The following TTC19 variants were observed in gnomAD, a reference collection of about 807,000 sequenced individuals.
TTC19 encodes the protein tetratricopeptide repeat protein 19, mitochondrial.
A neutral mutation model predicts 49.5 loss-of-function variants in TTC19; 38 were observed. That is an observed-to-expected ratio of 0.77 (90% CI 0.59 to 1.01). TTC19 has a LOEUF of 1.01. Among genes scored for constraint, TTC19 ranks in the 50% least tolerant of loss-of-function variants. The pLI is 0.00. For missense variants in TTC19, 475 were observed against 477.7 expected (o/e 0.99, Z 0.05); for synonymous variants, 204 against 185.2 (o/e 1.10, Z -0.83).
chr17:16,002,167 GTTTCAT>G, intron 3 of TTC19, 142 bp downstream of exon 3: 1 of 716,206 alleles, frequency 1.4e-6, no homozygotes, highest in Non-Finnish European at 2.4e-6. Flanking sequence ...TTTGGCTTCA[GTTTCAT>G]TTTTTGTTTT....
chr17:16,027,316 A>G, intron 9 of TTC19, 58 bp from the exon 10 acceptor site: 13 of 1,599,428 alleles, frequency 8.1e-6, no homozygotes, highest in Non-Finnish European at 1.1e-5. Flanking sequence ...CTCTCTTCAG[A>G]ATCACCTTGA....
At position 16,027,613 on chromosome 17, in the gene TTC19, C is replaced by A. The variant is rs753495260; in HGVS notation, c.*91C>A. The A allele has an allele frequency of 6.7e-7, 1 of 1,490,268 alleles. No individual in the cohort carries two copies. Among genetic ancestry groups the A allele is most frequent in the African/African-American group, 1.4e-5 (1 of 72,118 alleles). The allele number at this position is 1,490,268 out of a possible 1,614,324, so 92.3% of individuals were successfully genotyped here. A position where few individuals can be genotyped will look rare whatever the true frequency, so the allele number is the denominator to read the frequency against. ...GTGGCACCCGATCAATGGCTTAAAT[C>A]TGTCGTTTTTGATATTCAGGTTTCC... On this transcript the variant is annotated 3_prime_UTR_variant, in exon 10 of 10. Transcript: ENST00000261647.
At chr17:16,003,357 C>G (rs1016628708) in intron 4 of TTC19, among the ~76,000 whole-genome samples, 7 of 152,150 alleles carry the variant, frequency 4.6e-5, no homozygotes, top group African/African-American at 1.7e-4. Flanking sequence ...CTCAGTTGAT[C>G]CTCTCACCTC....
intron 8 of TTC19, 46 bp from the exon 9 acceptor site, chr17:16,026,494 G>T: frequency 6.3e-7 from 1 of 1,590,288 alleles, no homozygotes; most frequent in South Asian, 1.1e-5. Flanking sequence ...AAAGTTCTGT[G>T]AAGGCATGTT....
chr17:16,035,250 T>G (rs1033713053), intron 2 of TTC19, among the ~76,000 whole-genome samples: 2 of 152,240 alleles, frequency 1.3e-5, no homozygotes, highest in African/African-American at 4.8e-5. Context: ...AAAGACTTAT[T>G]TGTAGCATGC....
rs1971658384 is a variant in TTC19, at chr17:16,028,394, T to G, written c.*872T>G. On this transcript the variant is annotated 3_prime_UTR_variant, in exon 10 of 10. Transcript: ENST00000261647. The stretch of plus-strand genomic sequence containing the variant: ...TGTACTGCTGGTATAGCTGAACTAC[T>G]GACCTGGATCTTAGTCCTAGCCTTT... 2.2e-6 allele frequency: 1 copy of G among 454,040 alleles called. No individual in the cohort carries two copies. The highest frequency in any genetic ancestry group is 2.0e-5 in the African/African-American group (1 of 50,018). The allele number at this position is 454,040 out of a possible 1,614,324, so 28.1% of individuals were successfully genotyped here.
Position 15,999,858 on chromosome 17 carries a change from C to G in TTC19, c.10C>G (p.Leu4Val). 1 of 1,510,818 alleles carries G rather than the reference C, an allele frequency of 6.6e-7. No homozygotes were observed. The highest frequency in any genetic ancestry group is 2.6e-5 in the East Asian group (1 of 38,948). 93.6% of individuals were successfully genotyped at this position (1,510,818 alleles called of 1,614,324 possible). A position where few individuals can be genotyped will look rare whatever the true frequency, so the allele number is the denominator to read the frequency against. Residue 4 changes from leucine to valine, a missense_variant, in exon 1 of 10, where the codon CTC becomes GTC. Transcript: ENST00000261647. MFRLLSWSLGRGFL... is the reference protein window; with the variant it reads MFRVLSWSLGRGFL... Reference sequence around the variant, plus strand: ...AGGACGCGGCGGGAGCATGTTCCGGCTCCTGAGCTGGAGCCTGGGCCGAGG... The same window carrying G: ...AGGACGCGGCGGGAGCATGTTCCGGGTCCTGAGCTGGAGCCTGGGCCGAGG...
intron 2 of TTC19, chr17:16,039,133 A>G (rs976577745): frequency 7.4e-6 from 2 of 268,840 alleles, no homozygotes; most frequent in South Asian, 6.7e-5. Flanking sequence ...CAAAAACATT[A>G]TATTTGTGTT....
At chr17:16,009,656 T>C (rs1046657872) in intron 7 of TTC19, among the ~76,000 whole-genome samples, 2 of 152,202 alleles carry the variant, frequency 1.3e-5, no homozygotes, top group African/African-American at 4.8e-5. Flanking sequence ...ACCTATTCAG[T>C]TTTGCACAAA....
intron 8 of TTC19, among the ~76,000 whole-genome samples, chr17:16,025,759 T>C (rs1167344224): frequency 1.3e-5 from 2 of 152,222 alleles, no homozygotes; most frequent in Non-Finnish European, 2.9e-5. Context: ...TGTCTATGAA[T>C]GCTTGCTACT....
intron 2 of TTC19, among the ~76,000 whole-genome samples, chr17:16,041,813 T>C (rs541458991): frequency 3.2e-4 from 48 of 152,040 alleles, no homozygotes; most frequent in Non-Finnish European, 6.0e-4. Context: ...CTTGGCTCAC[T>C]GCAAGCTCTG....
In TTC19 at chr17:16,044,168, C is replaced by CAA. The variant is rs34691717; in HGVS notation, c.248-316_248-315dup. ...TGGGCCACAGAGTAAGACTCCATCT[C>CAA]AAAAAAAAAAAAAAAAAAAAGAAAG... On this transcript the variant is annotated intron_variant, in intron 2 of 2. Transcript: ENST00000470649. 7.9e-3 allele frequency among the ~76,000 whole-genome samples: 655 copies of CAA among 82,462 alleles called. 11 individuals are homozygous for CAA. The highest frequency in any genetic ancestry group is 0.017 in the South Asian group (33 of 1,970). 54.1% of individuals were successfully genotyped at this position (82,462 alleles called of 152,430 possible). A position where few individuals can be genotyped will look rare whatever the true frequency, so the allele number is the denominator to read the frequency against.
At position 16,001,142 on chromosome 17, in the gene TTC19, C is replaced by G. The variant is rs1434493771; in HGVS notation, c.313-773C>G. 3.3e-5 allele frequency among the ~76,000 whole-genome samples: 5 copies of G among 150,874 alleles called. No homozygotes were observed. The South Asian group carries it at 8.4e-4, about 25-fold the overall frequency. ...TCTATTCTCCATGCAGAAACCAAAG[C>G]GACCAAAAAAAAAAAGAGTAAATTG... On this transcript the variant is annotated intron_variant, in intron 2 of 9. Coordinates refer to ENST00000261647, the MANE Select transcript of TTC19 (RefSeq NM_017775.4).
At chr17:16,032,146 C>T, downstream of TTC19, 3 of 776,484 alleles carry the variant, frequency 3.9e-6, no homozygotes, top group East Asian at 6.4e-5. Context: ...AATGAACTTC[C>T]ATCATTTCTT....
chr17:16,026,864 A>G, intron 9 of TTC19, 162 bp downstream of exon 9: 1 of 780,626 alleles, frequency 1.3e-6, no homozygotes, highest in South Asian at 1.5e-5. Context: ...ATTAGGTTGA[A>G]GTACTATTGT....
chr17:16,001,995 C>G lies in TTC19; in HGVS notation c.393C>G (p.Asn131Lys), dbSNP rs760285058. 4 of 1,612,818 alleles carry G rather than the reference C, an allele frequency of 2.5e-6. No individual in the cohort carries two copies. In the East Asian group the frequency reaches 6.7e-5, roughly 27 times the overall value. The part of the protein sequence containing the change: ...DALRLAYQTD[N>K]KKAITYTYDL... ...TTCGTCTCGCCTATCAGACTGATAA[C>G]AAGAAGGCCATCACTTACACTTATG... is the stretch of plus-strand genomic sequence containing the variant. Residue 131 changes from asparagine to lysine, a missense_variant, in exon 3 of 10, where the codon AAC becomes AAG. Coordinates refer to ENST00000261647, the MANE Select transcript of TTC19 (RefSeq NM_017775.4).
intron 9 of TTC19, chr17:16,027,068 AG>A: frequency 2.0e-6 from 1 of 511,484 alleles, no homozygotes; most frequent in Non-Finnish European, 3.5e-6. Flanking sequence ...GACATTTCTT[AG>A]TGTCAGCACA....
In TTC19 at chr17:16,025,103, C is replaced by G; in HGVS notation, c.763C>G (p.Gln255Glu). 4.3e-6 allele frequency: 7 copies of G among 1,613,914 alleles called. No individual in the cohort carries two copies. Among genetic ancestry groups the G allele is most frequent in the Non-Finnish European group, 5.9e-6 (7 of 1,179,878 alleles). Reference sequence around the variant, plus strand: ...CCTTCTGTTCTCCAAGCAGCCGTCACAGGCACAAAGGATGTATGAAAAAGC... The same window carrying G: ...CCTTCTGTTCTCCAAGCAGCCGTCAGAGGCACAAAGGATGTATGAAAAAGC... Reference protein sequence around the residue: ...RYLLFSKQPSQAQRMYEKALQ... With the variant: ...RYLLFSKQPSEAQRMYEKALQ... The change falls in exon 8 of 10, where the codon CAG becomes GAG. Residue 255 changes from glutamine (Q) to glutamate (E), a missense_variant. Physicochemically the swap from Gln to Glu is conservative, Grantham distance 29 (BLOSUM62 2). Coordinates refer to ENST00000261647, the MANE Select transcript of TTC19 (RefSeq NM_017775.4).
At chr17:16,027,119 A>G in intron 9 of TTC19, 1 of 546,490 alleles carries the variant, frequency 1.8e-6, no homozygotes, top group Non-Finnish European at 3.3e-6. Flanking sequence ...TGACAGGTGT[A>G]TTACACATAC....
Sources: allele counts gnomAD v4.1 joint callset (sites outside exome capture counted in the v4.1 genomes callset), GRCh38; gene constraint gnomAD v4.1.1; transcripts MANE v1.5; gene names NCBI Gene and HGNC (gene_info 2026-07-23, HGNC 2026-07-21).